Variants in PHACTR3 observed in about 807,000 individuals in gnomAD.
The protein encoded by PHACTR3 is phosphatase and actin regulator 3.
Under a neutral mutation model 66.8 loss-of-function variants are expected in PHACTR3, and 16 were observed. The observed-to-expected ratio is 0.24, with a 90% CI of 0.16 to 0.36. PHACTR3 has a LOEUF of 0.36. Ranked by LOEUF, PHACTR3 falls within the 10% of genes least tolerant of loss-of-function variation. PHACTR3 has a pLI of 1.00. For synonymous variants in PHACTR3, 323 were observed against 292.1 expected, an observed-to-expected ratio of 1.11 and a Z score of -1.08; for missense variants, 647 against 719.9, an observed-to-expected ratio of 0.90 and a Z score of 1.16.
At chr20:59,674,570 TTCTCCTGTTCCCCCCTTCTCCTGTCCCC>T (rs2036335366) in intron 1 of PHACTR3, among the ~76,000 whole-genome samples, 3 of 38,400 alleles carry the variant, frequency 7.8e-5, no homozygotes, top group Admixed American at 3.6e-4. Flanking sequence ...TATTCCCCGC[TTCTCCTGTTCCCCCCTTCTCCTGTCCCC>T]GCTTCTCCTG....
intron 1 of PHACTR3, among the ~76,000 whole-genome samples, chr20:59,619,999 C>A (rs550646376): frequency 1.3e-5 from 2 of 152,244 alleles, no homozygotes; most frequent in Admixed American, 1.3e-4. Context: ...ACTGTTTTCA[C>A]CCTCCCTGTT....
intron 8 of PHACTR3, among the ~76,000 whole-genome samples, chr20:59,831,306 G>A (rs935748248): frequency 4.6e-5 from 7 of 152,224 alleles, no homozygotes; most frequent in Non-Finnish European, 1.0e-4. Context: ...CCCCAGCCCA[G>A]CCTGGTCCTT....
intron 1 of PHACTR3, among the ~76,000 whole-genome samples, chr20:59,623,779 G>T (rs1404416855): frequency 6.6e-6 from 1 of 152,210 alleles, no homozygotes; most frequent in Non-Finnish European, 1.5e-5. Flanking sequence ...TGAACGGCTG[G>T]TGCGTGGGGA....
chr20:59,653,069 T>C (rs1380359824), intron 1 of PHACTR3, among the ~76,000 whole-genome samples: 3 of 152,220 alleles, frequency 2.0e-5, no homozygotes, highest in Non-Finnish European at 4.4e-5. Flanking sequence ...TTTTAAAGTG[T>C]GTAAATATTT....
At chr20:59,740,281 GTTTATC>G (rs1568766423) in intron 1 of PHACTR3, among the ~76,000 whole-genome samples, 1 of 151,864 alleles carries the variant, frequency 6.6e-6, no homozygotes, top group African/African-American at 2.4e-5. Flanking sequence ...TATTGTGGAT[GTTTATC>G]TTTGTTTTCA....
At chr20:59,631,404 T>G (rs1346646741) in intron 1 of PHACTR3, among the ~76,000 whole-genome samples, 2 of 152,106 alleles carry the variant, frequency 1.3e-5, no homozygotes, top group African/African-American at 4.8e-5. Context: ...CAGCAAACAC[T>G]TAGTGCCTGC....
chr20:59,823,632 T>C (rs1320153815), intron 8 of PHACTR3, among the ~76,000 whole-genome samples: 1 of 152,222 alleles, frequency 6.6e-6, no homozygotes, highest in Non-Finnish European at 1.5e-5. Flanking sequence ...CAAGTTCCAC[T>C]GACAGTTTCT....
chr20:59,658,519 C>T (rs1453781826), intron 1 of PHACTR3, among the ~76,000 whole-genome samples: 1 of 152,112 alleles, frequency 6.6e-6, no homozygotes, highest in Non-Finnish European at 1.5e-5. Flanking sequence ...TTTATTTCTA[C>T]CCACAGTGTG....
chr20:59,740,533 G>T (rs2039114735), intron 1 of PHACTR3, among the ~76,000 whole-genome samples: 1 of 151,270 alleles, frequency 6.6e-6, no homozygotes, highest in Non-Finnish European at 1.5e-5. Context: ...TTGGGATCAA[G>T]GGATCCTCTA....
At chr20:59,651,683 A>G (rs2035463262) in intron 1 of PHACTR3, among the ~76,000 whole-genome samples, 1 of 152,222 alleles carries the variant, frequency 6.6e-6, no homozygotes, top group Non-Finnish European at 1.5e-5. Flanking sequence ...TGGATAAATA[A>G]TGGCATAGCC....
intron 1 of PHACTR3, among the ~76,000 whole-genome samples, chr20:59,623,536 T>G (rs181874544): frequency 1.3e-5 from 2 of 152,352 alleles, no homozygotes; most frequent in African/African-American, 2.4e-5. Context: ...GAAATTTCTA[T>G]GCATTCTTTT....
intron 9 of PHACTR3, among the ~76,000 whole-genome samples, chr20:59,836,841 G>A (rs181100798): frequency 1.3e-5 from 2 of 152,258 alleles, no homozygotes; most frequent in East Asian, 3.9e-4. Context: ...TTTCAAGCAG[G>A]TCTTCCTGGC....
At chr20:59,652,850 G>T (rs2035500488) in intron 1 of PHACTR3, among the ~76,000 whole-genome samples, 1 of 152,044 alleles carries the variant, frequency 6.6e-6, no homozygotes, top group East Asian at 1.9e-4. Context: ...AAAAAAATCG[G>T]GATATTTTTA....
chr20:59,614,377 AG>A (rs1363771396), intron 1 of PHACTR3, among the ~76,000 whole-genome samples: 1 of 152,242 alleles, frequency 6.6e-6, no homozygotes, highest in Non-Finnish European at 1.5e-5. Flanking sequence ...AAGTCAGGCA[AG>A]GCGATGGCAG....
chr20:59,585,146 C>A (rs1425286443), intron 1 of PHACTR3, among the ~76,000 whole-genome samples: 1 of 152,168 alleles, frequency 6.6e-6, no homozygotes, highest in East Asian at 1.9e-4. Flanking sequence ...GAGAAACAGA[C>A]TCAAGTTCTG....
At chr20:59,828,392 G>A (rs1408576194) in intron 8 of PHACTR3, among the ~76,000 whole-genome samples, 1 of 152,210 alleles carries the variant, frequency 6.6e-6, no homozygotes, top group Non-Finnish European at 1.5e-5. Context: ...GGCATTGTGT[G>A]CTGTGTCACC....
At chr20:59,670,132 CTCTT>C (rs2036142256) in intron 1 of PHACTR3, among the ~76,000 whole-genome samples, 1 of 152,188 alleles carries the variant, frequency 6.6e-6, no homozygotes, top group African/African-American at 2.4e-5. Flanking sequence ...TTAGGTGCTG[CTCTT>C]TCTTCTGATC....
intron 1 of PHACTR3, among the ~76,000 whole-genome samples, chr20:59,692,809 A>G (rs6100557): frequency 7.0e-4 from 107 of 152,292 alleles, no homozygotes; most frequent in African/African-American, 2.5e-3. Context: ...CTGTATTTTC[A>G]CCTTTTAACT....
intron 1 of PHACTR3, among the ~76,000 whole-genome samples, chr20:59,627,325 C>G (rs922218544): frequency 1.3e-5 from 2 of 152,200 alleles, no homozygotes; most frequent in Non-Finnish European, 2.9e-5. Context: ...GCTACCTTCA[C>G]CTAAGCCCGC....
Sources: allele counts gnomAD v4.1 joint callset (sites outside exome capture counted in the v4.1 genomes callset), GRCh38; gene constraint gnomAD v4.1.1; transcripts MANE v1.5; gene names NCBI Gene and HGNC (gene_info 2026-07-23, HGNC 2026-07-21).